Variants in SMTN observed in about 807,000 individuals in gnomAD.
SMTN encodes smoothelin.
A neutral mutation model predicts 102.0 loss-of-function variants in SMTN; 58 were observed. The observed-to-expected ratio is 0.57, with a 90% CI of 0.46 to 0.71. The LOEUF is 0.71. Ranked by LOEUF, SMTN falls within the 30% of genes least tolerant of loss-of-function variation. The pLI, the probability that SMTN is intolerant of heterozygous loss-of-function variation, is 0.00. For synonymous variants in SMTN, 478 were observed against 497.9 expected, an observed-to-expected ratio of 0.96 and a Z score of 0.53; for missense variants, 1,185 against 1,241.7, an observed-to-expected ratio of 0.95 and a Z score of 0.69.
chr22:31,068,741 C>T (rs2041925355), intron 1 of SMTN, among the ~76,000 whole-genome samples: 1 of 152,186 alleles, frequency 6.6e-6, no homozygotes, highest in Non-Finnish European at 1.5e-5. Flanking sequence ...CCTGGCTTCT[C>T]AGAGCTCACA....
chr22:31,070,881 G>A (rs1269096962), intron 1 of SMTN, among the ~76,000 whole-genome samples: 4 of 144,574 alleles, frequency 2.8e-5, no homozygotes, highest in Admixed American at 7.2e-5. Flanking sequence ...CTGAGATCAC[G>A]CCATTGCACT....
intron 1 of SMTN, among the ~76,000 whole-genome samples, chr22:31,072,207 G>A (rs552548260): frequency 9.9e-5 from 15 of 152,248 alleles, no homozygotes; most frequent in African/African-American, 2.6e-4. Context: ...TGCAAGCTCC[G>A]TGAATGATCA....
At chr22:31,075,019 GC>G (rs2042096029) in intron 1 of SMTN, among the ~76,000 whole-genome samples, 1 of 152,166 alleles carries the variant, frequency 6.6e-6, no homozygotes, top group Non-Finnish European at 1.5e-5. Context: ...GAAAACAAGA[GC>G]CTCAGGCAGG....
intron 13 of SMTN, 96 bp from the exon 14 acceptor site, chr22:31,096,637 C>A: frequency 7.4e-7 from 1 of 1,347,648 alleles, no homozygotes; most frequent in South Asian, 1.6e-5. Flanking sequence ...AACAAGCCAC[C>A]CTCCACCCCG....
intron 1 of SMTN, among the ~76,000 whole-genome samples, 170 bp downstream of exon 1, chr22:31,081,626 C>T (rs1332694846): frequency 1.3e-5 from 2 of 152,228 alleles, no homozygotes; most frequent in Non-Finnish European, 2.9e-5. Flanking sequence ...AAGACGCCCC[C>T]GGATTCCTAA....
rs993346243 is a variant in SMTN, at chr22:31,097,070, C to T, written c.2089+10C>T. On this transcript the variant is annotated intron_variant, in intron 15 of 20. Coordinates refer to ENST00000333137, the MANE Select transcript of SMTN (RefSeq NM_134269.3). ...GTGAGGCGCTCGGAGAGTAAGGCCA[C>T]CTGGTGTCGCCCTGTGCCTGCCTGC... 6.8e-6 allele frequency: 11 copies of T among 1,613,502 alleles called. No homozygotes were observed. In the African/African-American group the frequency reaches 1.3e-4, roughly 20 times the overall value.
chr22:31,070,196 A>G (rs2041964183), intron 1 of SMTN, among the ~76,000 whole-genome samples: 1 of 152,142 alleles, frequency 6.6e-6, no homozygotes, highest in Non-Finnish European at 1.5e-5. Flanking sequence ...TCCTCTTACT[A>G]TGGGCCATGG....
rs5997875 is a variant in SMTN at position 31,101,002 on chromosome 22, G to A, written c.2721G>A (p.Lys907=). ...IQEFYRCLVQ[K]GLVKTKKS ...AATTCTACCGCTGTCTGGTCCAGAAGGGGCTGGTAAAAACCAAAAAGTCCT... is the reference window on the plus strand; with the variant it reads ...AATTCTACCGCTGTCTGGTCCAGAAAGGGCTGGTAAAAACCAAAAAGTCCT... The change falls in exon 20 of 21, where the codon AAG becomes AAA. Residue 907 remains lysine (K), a synonymous_variant. Transcript: ENST00000333137. 86 of 1,613,294 alleles carry A rather than the reference G, an allele frequency of 5.3e-5. 1 individual carries two copies. The African/African-American group carries it at 9.5e-4, about 18-fold the overall frequency.
rs1225832824 is a variant in SMTN, at chr22:31,098,834, C to T, written c.2327C>T (p.Ala776Val). The T allele has an allele frequency of 6.2e-7, 1 of 1,604,170 alleles. No homozygotes were observed. Among genetic ancestry groups the T allele is most frequent in the Non-Finnish European group, 8.5e-7 (1 of 1,178,098 alleles). The change falls in exon 17 of 21, where the codon GCG (alanine) becomes GTG (valine). Residue 776 changes from alanine to valine, a missense_variant. Ala to Val is a moderately conservative substitution (Grantham distance 64, BLOSUM62 0). Transcript: ENST00000333137. ...ATTGAGAAGCTGGAGAAGGAGGGCG[C>T]GGCCGGGTGAGCTGCAGAAGTGGGC... ...AMIEKLEKEGAAGSPGGPRAA... is the reference protein window; with the variant it reads ...AMIEKLEKEGVAGSPGGPRAA...
In SMTN at chr22:31,083,166, C is replaced by A; in HGVS notation, c.-80-13C>A. 1.3e-6 allele frequency: 2 copies of A among 1,561,234 alleles called. No homozygotes were observed. The highest frequency in any genetic ancestry group is 1.2e-5 in the South Asian group (1 of 84,762). ...AAGCCCCAGCATGCCTGATTCATGT[C>A]TGTCCCCTGCAGAATTCTCTGAGCT... On this transcript the variant is annotated splice_polypyrimidine_tract_variant and intron_variant, in intron 1 of 20. Coordinates refer to ENST00000333137, the MANE Select transcript of SMTN (RefSeq NM_134269.3).
At chr22:31,090,745 A>G in intron 8 of SMTN, 63 bp from the exon 9 acceptor site, 1 of 1,275,334 alleles carries the variant, frequency 7.8e-7, no homozygotes, top group Middle Eastern at 1.9e-4. Context: ...AAAGGTGGAC[A>G]CCCACTATCC....
intron 11 of SMTN, chr22:31,092,586 G>T: frequency 2.1e-6 from 1 of 468,390 alleles, no homozygotes; most frequent in Middle Eastern, 3.3e-4. Flanking sequence ...GAGGTGAGAT[G>T]GCTAGACCAG....
rs753053266 is a variant in SMTN at position 31,098,649 on chromosome 22, C to A, written c.2160-18C>A. The A allele has an allele frequency of 2.5e-5, 40 of 1,610,190 alleles. No individual in the cohort carries two copies. In the African/African-American group the frequency reaches 4.0e-4, roughly 16 times the overall value. Reference sequence around the variant, plus strand: ...AGCCCTGCTCTCCCTGCCTAACATGCGCCTCCCCAACCCCTAGCATCTTCG... The same window carrying A: ...AGCCCTGCTCTCCCTGCCTAACATGAGCCTCCCCAACCCCTAGCATCTTCG... On this transcript the variant is annotated intron_variant, in intron 16 of 20. Transcript: ENST00000333137.
chr22:31,070,494 A>G (rs2041970072), intron 1 of SMTN, among the ~76,000 whole-genome samples: 2 of 151,650 alleles, frequency 1.3e-5, no homozygotes. Flanking sequence ...TGCCTGGAAC[A>G]CCCCCACCCC....
chr22:31,086,289 G>A (rs1444788070), intron 2 of SMTN, among the ~76,000 whole-genome samples: 1 of 152,226 alleles, frequency 6.6e-6, no homozygotes, highest in East Asian at 1.9e-4. Context: ...GCAGGCCCTG[G>A]AGTCAGAGAG....
chr22:31,081,588 T>C (rs2042311947), intron 1 of SMTN, 132 bp downstream of exon 1: 1 of 152,096 alleles, frequency 6.6e-6, no homozygotes. Flanking sequence ...GTCTAAGCCA[T>C]GGGATAAAGT....
intron 13 of SMTN, 80 bp from the exon 14 acceptor site, chr22:31,096,653 T>G (rs2043600319): frequency 1.4e-5 from 20 of 1,435,818 alleles, no homozygotes; most frequent in Non-Finnish European, 1.8e-5. Flanking sequence ...CCCCGTCTTG[T>G]GTGCCCCATG....
upstream of SMTN, among the ~76,000 whole-genome samples, chr22:31,080,992 G>A (rs1023943208): frequency 9.2e-5 from 14 of 151,966 alleles, no homozygotes; most frequent in African/African-American, 3.4e-4. Context: ...GGCGGAGAGG[G>A]GCTGTCCTGA....
chr22:31,091,834 G>A lies in SMTN; in HGVS notation c.1619G>A (p.Gly540Asp). Residue 540 changes from glycine to aspartate, a missense_variant, in exon 11 of 21, where the codon GGC becomes GAC. Coordinates refer to ENST00000333137, the MANE Select transcript of SMTN (RefSeq NM_134269.3). ...CATGCCCCCCCCAGTAGCCGAGGAGGCTGCAGCATCAAGGTGAGCCCCTCC... is the reference window on the plus strand; with the variant it reads ...CATGCCCCCCCCAGTAGCCGAGGAGACTGCAGCATCAAGGTGAGCCCCTCC... ...FSHAPPSSRGGCSIKMEAEPA... is the reference protein window; with the variant it reads ...FSHAPPSSRGDCSIKMEAEPA... The A allele has an allele frequency of 1.3e-6, 2 of 1,591,490 alleles. No homozygotes were observed. Among genetic ancestry groups the A allele is most frequent in the Non-Finnish European group, 8.6e-7 (1 of 1,167,614 alleles).
Sources: allele counts gnomAD v4.1 joint callset (sites outside exome capture counted in the v4.1 genomes callset), GRCh38; gene constraint gnomAD v4.1.1; transcripts MANE v1.5; gene names NCBI Gene and HGNC (gene_info 2026-07-23, HGNC 2026-07-21).